Variants in LRP1B observed in about 807,000 individuals in gnomAD.
LRP1B encodes the protein low-density lipoprotein receptor-related protein 1B.
LRP1B carries 217 observed loss-of-function variants against 556.6 expected under a neutral mutation model. The observed-to-expected ratio is 0.39, with a 90% CI of 0.35 to 0.44. The LOEUF (loss-of-function observed/expected upper bound fraction) is 0.44. Among genes scored for constraint, LRP1B ranks in the 20% least tolerant of loss-of-function variants. The pLI, the probability that LRP1B is intolerant of heterozygous loss-of-function variation, is 1.00. For missense variants in LRP1B, 5,053 were observed against 5,620.8 expected, an observed-to-expected ratio of 0.90 and a Z score of 3.23; for synonymous variants, 2,047 against 1,865.8, an observed-to-expected ratio of 1.10 and a Z score of -2.50.
At chr2:141,588,459 G>A (rs2105290619) in intron 2 of LRP1B, among the ~76,000 whole-genome samples, 1 of 152,220 alleles carries the variant, frequency 6.6e-6, no homozygotes, top group East Asian at 1.9e-4. Context: ...ATGGGGCACA[G>A]AGTACCATAT....
rs554734528 is a variant in LRP1B, at chr2:142,076,594, G to A, written c.82+54054C>T. Among the ~76,000 whole-genome samples, 26 of 152,204 alleles carry A rather than the reference G, an allele frequency of 1.7e-4. No homozygotes were observed. The South Asian group carries it at 5.4e-3, about 32-fold the overall frequency. On this transcript the variant is annotated intron_variant, in intron 1 of 90. Coordinates refer to ENST00000389484, the MANE Select transcript of LRP1B (RefSeq NM_018557.3). ...AAAGTTCCACATCAAAAGAGGATAA[G>A]AAGGAGTCCTGGAAAACTGTATAAA...
chr2:141,706,565 C>A (rs1692146842), intron 2 of LRP1B, among the ~76,000 whole-genome samples: 1 of 152,028 alleles, frequency 6.6e-6, no homozygotes, highest in Admixed American at 6.6e-5. Flanking sequence ...TGAAGAAAAT[C>A]AATTAAATCA....
chr2:142,127,991 T>C (rs1707715614), intron 1 of LRP1B, among the ~76,000 whole-genome samples: 1 of 152,150 alleles, frequency 6.6e-6, no homozygotes, highest in African/African-American at 2.4e-5. Context: ...CAATTTTGGC[T>C]GTTAAGAGTT....
chr2:141,077,152 G>A (rs1003736089), intron 7 of LRP1B, among the ~76,000 whole-genome samples: 2 of 152,136 alleles, frequency 1.3e-5, no homozygotes, highest in African/African-American at 4.8e-5. Context: ...GGAGGCTGAG[G>A]CAGAAGAATC....
At chr2:140,754,322 C>G (rs955602057) in intron 35 of LRP1B, among the ~76,000 whole-genome samples, 1 of 152,134 alleles carries the variant, frequency 6.6e-6, no homozygotes, top group African/African-American at 2.4e-5. Context: ...TGAGAAGAAA[C>G]TTCAAAGACT....
chr2:141,523,737 G>T (rs1195810820), intron 2 of LRP1B, among the ~76,000 whole-genome samples: 1 of 151,958 alleles, frequency 6.6e-6, no homozygotes, highest in Non-Finnish European at 1.5e-5. Flanking sequence ...CATTTTAGTG[G>T]CTGCCCAGAA....
In LRP1B at chr2:140,520,556, T is replaced by C. The variant is rs1240482438; in HGVS notation, c.8027-3545A>G. Among the ~76,000 whole-genome samples the C allele has an allele frequency of 2.0e-5, 3 of 151,972 alleles. No homozygotes were observed. The East Asian group carries it at 5.8e-4, about 30-fold the overall frequency. ...CCAACATGGCACATGTACACATATGTAAAAAACCTGCACATTGTGCACATG... is the reference window on the plus strand; with the variant it reads ...CCAACATGGCACATGTACACATATGCAAAAAACCTGCACATTGTGCACATG... On this transcript the variant is annotated intron_variant, in intron 49 of 90. Coordinates refer to ENST00000389484, the MANE Select transcript of LRP1B (RefSeq NM_018557.3).
At chr2:142,010,284 A>G (rs1485992363) in intron 1 of LRP1B, among the ~76,000 whole-genome samples, 1 of 152,064 alleles carries the variant, frequency 6.6e-6, no homozygotes, top group Non-Finnish European at 1.5e-5. Flanking sequence ...ATACCTTGGC[A>G]GGGTTCATGC....
intron 41 of LRP1B, among the ~76,000 whole-genome samples, chr2:140,619,356 A>T (rs770874638): frequency 6.6e-5 from 10 of 152,120 alleles, no homozygotes; most frequent in African/African-American, 2.2e-4. Context: ...ACACATATCT[A>T]TAAAGATATG....
chr2:141,832,327 TCACACA>T (rs869062999), intron 1 of LRP1B, among the ~76,000 whole-genome samples: 2,749 of 143,856 alleles, frequency 0.019, 48 homozygotes, highest in African/African-American at 0.034. Context: ...TCTTTCTCTC[TCACACA>T]CACACACACA....
At chr2:141,820,077 C>G (rs445669) in intron 1 of LRP1B, among the ~76,000 whole-genome samples, 43,099 of 151,682 alleles carry the variant, frequency 0.28, 6,365 homozygotes, top group African/African-American at 0.36. Flanking sequence ...TGAAATACCT[C>G]AATAGTAAGG....
At chr2:140,273,965 G>GA (rs1682568592) in intron 85 of LRP1B, among the ~76,000 whole-genome samples, 1 of 151,890 alleles carries the variant, frequency 6.6e-6, no homozygotes, top group Non-Finnish European at 1.5e-5. Flanking sequence ...GTCAGATTAA[G>GA]AAAAAAGGAT....
chr2:141,097,253 CTA>C (rs1217482627), intron 7 of LRP1B, among the ~76,000 whole-genome samples: 1 of 152,152 alleles, frequency 6.6e-6, no homozygotes, highest in East Asian at 1.9e-4. Flanking sequence ...ACTCAGAAGA[CTA>C]TGTTCTTTCA....
intron 2 of LRP1B, among the ~76,000 whole-genome samples, chr2:141,618,571 G>A (rs867615049): frequency 2.6e-5 from 4 of 152,060 alleles, no homozygotes; most frequent in African/African-American, 7.2e-5. Context: ...ATAAAAATAC[G>A]TGGTCATTTA....
intron 3 of LRP1B, among the ~76,000 whole-genome samples, chr2:141,335,364 A>G (rs1258809964): frequency 2.0e-5 from 3 of 152,236 alleles, no homozygotes; most frequent in African/African-American, 7.2e-5. Flanking sequence ...CACAAATATC[A>G]GGAACATGAA....
chr2:140,345,716 G>GTA lies in LRP1B; in HGVS notation c.11892+5079_11892+5080dup, dbSNP rs909467237. 6.5e-5 allele frequency among the ~76,000 whole-genome samples: 9 copies of GTA among 137,406 alleles called. No homozygotes were observed. The East Asian group carries it at 1.3e-3, about 19-fold the overall frequency. The allele number at this position is 137,406 out of a possible 152,430, so 90.1% of individuals were successfully genotyped here. On this transcript the variant is annotated intron_variant, in intron 77 of 90. Coordinates refer to ENST00000389484, the MANE Select transcript of LRP1B (RefSeq NM_018557.3). ...TCATGTCCTCTCATAACTCATATAT[G>GTA]TATATATATACACATATATATACAT...
intron 20 of LRP1B, 33 bp from the exon 21 acceptor site, chr2:140,923,180 G>GAA: frequency 6.5e-7 from 1 of 1,543,898 alleles, no homozygotes; most frequent in East Asian, 2.3e-5. Flanking sequence ...AGAAGCAGAG[G>GAA]GGGGCAAGAC....
intron 66 of LRP1B, among the ~76,000 whole-genome samples, chr2:140,388,645 A>G (rs1259187313): frequency 6.6e-6 from 1 of 152,218 alleles, no homozygotes; most frequent in Non-Finnish European, 1.5e-5. Context: ...TTGATCCATG[A>G]AATTACTTGT....
chr2:141,903,630 G>A (rs757835256), intron 1 of LRP1B, among the ~76,000 whole-genome samples: 12 of 151,832 alleles, frequency 7.9e-5, no homozygotes, highest in East Asian at 3.9e-4. Context: ...TGCTCTAGTC[G>A]GTCAAGCAAT....
Sources: allele counts gnomAD v4.1 joint callset (sites outside exome capture counted in the v4.1 genomes callset), GRCh38; gene constraint gnomAD v4.1.1; transcripts MANE v1.5; gene names NCBI Gene and HGNC (gene_info 2026-07-23, HGNC 2026-07-21).